The following NBEA variants were observed in gnomAD, a reference collection of about 807,000 sequenced individuals.
The protein encoded by NBEA is lysosomal-trafficking regulator 2.
In NBEA, 44 loss-of-function variants were observed where a neutral mutation model predicts 343.4. That is an observed-to-expected ratio of 0.13 (90% confidence interval 0.10 to 0.16). The LOEUF (loss-of-function observed/expected upper bound fraction) is 0.16. NBEA is among the 10% of genes least tolerant of loss of function. The probability of loss-of-function intolerance (pLI) is 1.00; values close to 1 mark genes in which losing one functional copy is unlikely to be tolerated. For missense variants in NBEA, 2,555 were observed against 3,631.3 expected (o/e 0.70, Z 7.62); for synonymous variants, 1,175 against 1,238.7 (o/e 0.95, Z 1.08).
intron 39 of NBEA, among the ~76,000 whole-genome samples, chr13:35,436,830 G>A (rs368645793): frequency 1.3e-5 from 2 of 152,076 alleles, no homozygotes; most frequent in African/African-American, 4.8e-5. Context: ...AAGATTTTAG[G>A]TACAAAAGAA....
rs369977420 is a variant in NBEA, at chr13:35,667,107, T to C, written c.8465-267T>C. On this transcript the variant is annotated intron_variant, in intron 56 of 58. Transcript: ENST00000379939. ...GTCACGTAATCTGTGAGCTGTACCA[T>C]TTTACTATGAATATTACCTGACAAA... 4.6e-5 allele frequency among the ~76,000 whole-genome samples: 7 copies of C among 152,316 alleles called. 1 individual carries two copies. The highest frequency in any genetic ancestry group is 1.7e-4 in the African/African-American group (7 of 41,570).
chr13:35,097,835 G>C (rs2065417520), intron 10 of NBEA, among the ~76,000 whole-genome samples: 1 of 151,696 alleles, frequency 6.6e-6, no homozygotes. Flanking sequence ...TTGAAGAATA[G>C]TTCTAAATGA....
intron 41 of NBEA, among the ~76,000 whole-genome samples, chr13:35,481,632 G>T (rs1263691665): frequency 6.6e-6 from 1 of 151,886 alleles, no homozygotes; most frequent in East Asian, 1.9e-4. Flanking sequence ...AAACCCTTCA[G>T]AAAGTTACTA....
At chr13:35,179,512 C>A (rs1266813432) in intron 28 of NBEA, among the ~76,000 whole-genome samples, 1 of 150,264 alleles carries the variant, frequency 6.7e-6, no homozygotes, top group Non-Finnish European at 1.5e-5. Context: ...AGAAGCACAA[C>A]TGACTAGGAG....
chr13:35,057,652 TTCTCTCCAGAGGAGA>T (rs1377584429), intron 7 of NBEA, among the ~76,000 whole-genome samples: 11 of 152,130 alleles, frequency 7.2e-5, no homozygotes, highest in Non-Finnish European at 1.0e-4. Context: ...GCTTTTTATC[TTCTCTCCAGAGGAGA>T]TCTCTCCAGA....
At chr13:35,385,146 C>A (rs1254375818) in intron 38 of NBEA, among the ~76,000 whole-genome samples, 1 of 152,112 alleles carries the variant, frequency 6.6e-6, no homozygotes, top group African/African-American at 2.4e-5. Context: ...TTAATAAGTT[C>A]TAAAATAGTT....
intron 1 of NBEA, among the ~76,000 whole-genome samples, chr13:35,024,192 A>G (rs578255291): frequency 1.3e-5 from 2 of 152,256 alleles, no homozygotes; most frequent in Middle Eastern, 3.4e-3. Context: ...TTATGGCTGC[A>G]TAGTATTCCA....
intron 34 of NBEA, chr13:35,251,260 G>A: frequency 2.7e-6 from 1 of 375,182 alleles, no homozygotes; most frequent in Non-Finnish European, 4.0e-6. Flanking sequence ...CATGCAGTAT[G>A]CCAGTCGTCG....
intron 34 of NBEA, among the ~76,000 whole-genome samples, chr13:35,256,447 G>C (rs1566527801): frequency 6.6e-6 from 1 of 152,176 alleles, no homozygotes; most frequent in African/African-American, 2.4e-5. Context: ...CTGGACTGCA[G>C]ACTATACCCA....
At chr13:35,361,795 AC>A (rs1017669571) in intron 38 of NBEA, among the ~76,000 whole-genome samples, 2 of 152,046 alleles carry the variant, frequency 1.3e-5, no homozygotes, top group African/African-American at 4.8e-5. Flanking sequence ...ACAATGAGAA[AC>A]AAATATTGTA....
At chr13:35,234,505 A>G (rs1347894406) in intron 34 of NBEA, among the ~76,000 whole-genome samples, 7 of 152,166 alleles carry the variant, frequency 4.6e-5, no homozygotes, top group African/African-American at 1.7e-4. Flanking sequence ...AGACATAAAA[A>G]CCAATAATTA....
intron 41 of NBEA, among the ~76,000 whole-genome samples, chr13:35,479,235 GAA>G (rs2076019606): frequency 1.3e-5 from 2 of 152,180 alleles, no homozygotes; most frequent in African/African-American, 2.4e-5. Context: ...ACAAGGAGCT[GAA>G]GGTGATTTAC....
At chr13:35,271,879 A>G (rs1393471179) in intron 34 of NBEA, among the ~76,000 whole-genome samples, 1 of 152,256 alleles carries the variant, frequency 6.6e-6, no homozygotes, top group African/African-American at 2.4e-5. Flanking sequence ...TCTACGCTTG[A>G]TTGGTGTATG....
intron 2 of NBEA, among the ~76,000 whole-genome samples, chr13:35,044,603 G>GGGGTGT (rs1555286328): frequency 3.5e-5 from 5 of 142,512 alleles, no homozygotes; most frequent in Non-Finnish European, 6.1e-5. Context: ...GCTGTGTTGT[G>GGGGTGT]GTGTGTGTGT....
intron 1 of NBEA, among the ~76,000 whole-genome samples, chr13:34,967,768 A>C (rs2059870813): frequency 6.6e-6 from 1 of 152,024 alleles, no homozygotes; most frequent in Non-Finnish European, 1.5e-5. Flanking sequence ...CATGTAAATA[A>C]AAATACATCA....
chr13:35,253,396 G>T (rs1305573760), intron 34 of NBEA, among the ~76,000 whole-genome samples: 1 of 152,162 alleles, frequency 6.6e-6, no homozygotes, highest in Non-Finnish European at 1.5e-5. Context: ...CTTTGTGATT[G>T]TTAGCCATAG....
chr13:35,557,530 G>T (rs9544631), intron 44 of NBEA, among the ~76,000 whole-genome samples: 139,228 of 152,208 alleles, frequency 0.91, 64,075 homozygotes, highest in East Asian at 1. Context: ...TGCTATTATT[G>T]TTTGAATCGT....
At chr13:34,963,452 C>T (rs1248974470) in intron 1 of NBEA, among the ~76,000 whole-genome samples, 1 of 151,884 alleles carries the variant, frequency 6.6e-6, no homozygotes, top group South Asian at 2.1e-4. Flanking sequence ...GTACTGTGTT[C>T]CCCCCAAAAT....
intron 29 of NBEA, among the ~76,000 whole-genome samples, 190 bp downstream of exon 29, chr13:35,182,718 ACATT>A (rs1418154743): frequency 6.6e-6 from 1 of 151,912 alleles, no homozygotes; most frequent in Non-Finnish European, 1.5e-5. Flanking sequence ...TATAGTTGCT[ACATT>A]CTCATTTTAT....
Sources: allele counts gnomAD v4.1 joint callset (sites outside exome capture counted in the v4.1 genomes callset), GRCh38; gene constraint gnomAD v4.1.1; transcripts MANE v1.5; gene names NCBI Gene and HGNC (gene_info 2026-07-23, HGNC 2026-07-21).